The following HS6ST3 variants were observed in gnomAD, a reference collection of about 807,000 sequenced individuals.
HS6ST3 encodes heparan sulfate 6-O-sulfotransferase 3.
A neutral mutation model predicts 36.7 loss-of-function variants in HS6ST3; 12 were observed. The ratio of observed to expected loss-of-function variants is 0.33; its 90% CI spans 0.21 to 0.53. HS6ST3 has a LOEUF of 0.53. Ranked by LOEUF, HS6ST3 falls within the 20% of genes least tolerant of loss-of-function variation. HS6ST3 has a pLI of 0.95. For missense variants in HS6ST3, 584 were observed against 640.9 expected (o/e 0.91, Z 0.96); for synonymous variants, 240 against 257.5 (o/e 0.93, Z 0.65).
chr13:96,105,364 T>C (rs1356129653), intron 1 of HS6ST3, among the ~76,000 whole-genome samples: 1 of 152,116 alleles, frequency 6.6e-6, no homozygotes, highest in Non-Finnish European at 1.5e-5. Context: ...TTAAGTAATA[T>C]TATAGGCCAG....
chr13:96,763,635 G>T (rs188143047), intron 1 of HS6ST3, among the ~76,000 whole-genome samples: 1 of 152,040 alleles, frequency 6.6e-6, no homozygotes, highest in African/African-American at 2.4e-5. Flanking sequence ...TCAAATCCTG[G>T]CTTCACTATT....
intron 1 of HS6ST3, among the ~76,000 whole-genome samples, chr13:96,219,010 C>T (rs1045207881): frequency 7.2e-5 from 11 of 152,084 alleles, no homozygotes; most frequent in South Asian, 2.1e-4. Context: ...CTGACAGGGC[C>T]GCATCTTTTC....
At chr13:96,147,420 G>T (rs1188282724) in intron 1 of HS6ST3, among the ~76,000 whole-genome samples, 1 of 152,192 alleles carries the variant, frequency 6.6e-6, no homozygotes, top group East Asian at 1.9e-4. Context: ...CCATCATTCT[G>T]CAGCAGGTCC....
intron 1 of HS6ST3, among the ~76,000 whole-genome samples, chr13:96,635,197 AAC>A (rs1469257420): frequency 6.6e-6 from 1 of 152,168 alleles, no homozygotes; most frequent in African/African-American, 2.4e-5. Flanking sequence ...AACTATTAAA[AAC>A]ACAGATATGA....
chr13:96,165,255 A>G (rs1283611437), intron 1 of HS6ST3, among the ~76,000 whole-genome samples: 4 of 152,160 alleles, frequency 2.6e-5, no homozygotes, highest in Non-Finnish European at 4.4e-5. Context: ...GGAGGCCTCA[A>G]TTGACTCCTT....
chr13:96,624,584 C>A (rs919762683), intron 1 of HS6ST3, among the ~76,000 whole-genome samples: 4 of 152,116 alleles, frequency 2.6e-5, no homozygotes, highest in Non-Finnish European at 5.9e-5. Context: ...AGTTTTGCAG[C>A]CCTGGCTCCC....
At chr13:96,569,127 T>G (rs953091296) in intron 1 of HS6ST3, among the ~76,000 whole-genome samples, 7 of 152,220 alleles carry the variant, frequency 4.6e-5, no homozygotes, top group Admixed American at 6.5e-5. Context: ...TGAATGCATT[T>G]TACTTTATTC....
chr13:96,254,708 T>C (rs1031564934), intron 1 of HS6ST3, among the ~76,000 whole-genome samples: 51 of 151,818 alleles, frequency 3.4e-4, no homozygotes, highest in African/African-American at 1.2e-3. Flanking sequence ...GGTATGAAGA[T>C]ATGGAAAACT....
intron 1 of HS6ST3, among the ~76,000 whole-genome samples, chr13:96,600,843 C>A (rs2056418860): frequency 6.6e-6 from 1 of 151,998 alleles, no homozygotes; most frequent in South Asian, 2.1e-4. Flanking sequence ...TTTAGCATTT[C>A]TTATCAGGCT....
chr13:96,494,479 A>C (rs970915702), intron 1 of HS6ST3, among the ~76,000 whole-genome samples: 1 of 151,738 alleles, frequency 6.6e-6, no homozygotes, highest in Non-Finnish European at 1.5e-5. Flanking sequence ...CCAACATGGC[A>C]CATGTATACA....
At chr13:96,806,343 G>A (rs961488693) in intron 1 of HS6ST3, among the ~76,000 whole-genome samples, 3 of 152,262 alleles carry the variant, frequency 2.0e-5, no homozygotes, top group Admixed American at 1.3e-4. Context: ...AAGGGACAAC[G>A]GACCCAGCCC....
At chr13:96,593,792 C>G (rs982981562) in intron 1 of HS6ST3, among the ~76,000 whole-genome samples, 1 of 151,716 alleles carries the variant, frequency 6.6e-6, no homozygotes, top group African/African-American at 2.4e-5. Flanking sequence ...AATTCTTTGT[C>G]TCTTTTTGCA....
At chr13:96,685,644 C>T (rs1246321653) in intron 1 of HS6ST3, among the ~76,000 whole-genome samples, 4 of 152,112 alleles carry the variant, frequency 2.6e-5, no homozygotes, top group Non-Finnish European at 4.4e-5. Context: ...GTCCACCCGT[C>T]GGAGAGCATA....
At chr13:96,496,458 G>A (rs1178346994) in intron 1 of HS6ST3, among the ~76,000 whole-genome samples, 1 of 152,114 alleles carries the variant, frequency 6.6e-6, no homozygotes, top group Admixed American at 6.5e-5. Flanking sequence ...TGTGGCAAAA[G>A]TGACATTCTA....
intron 1 of HS6ST3, among the ~76,000 whole-genome samples, chr13:96,791,901 A>T (rs978623607): frequency 6.6e-6 from 1 of 152,014 alleles, no homozygotes; most frequent in Non-Finnish European, 1.5e-5. Context: ...TATGGTTATT[A>T]TTTACTGGTG....
intron 1 of HS6ST3, among the ~76,000 whole-genome samples, chr13:96,500,601 T>G (rs576248430): frequency 1.3e-5 from 2 of 152,148 alleles, no homozygotes; most frequent in African/African-American, 4.8e-5. Context: ...TTTGACCTAC[T>G]AGAAGCCCTA....
chr13:96,112,088 A>C (rs1441663004), intron 1 of HS6ST3, among the ~76,000 whole-genome samples: 1 of 152,188 alleles, frequency 6.6e-6, no homozygotes, highest in Non-Finnish European at 1.5e-5. Context: ...CTGGATGCAT[A>C]GCTCGAAGTA....
intron 1 of HS6ST3, among the ~76,000 whole-genome samples, chr13:96,142,330 G>A (rs2054035984): frequency 6.6e-6 from 1 of 151,972 alleles, no homozygotes; most frequent in Non-Finnish European, 1.5e-5. Context: ...ATTTTTAGTG[G>A]CATTGTCCTT....
chr13:96,596,516 T>C (rs1330222787), intron 1 of HS6ST3, among the ~76,000 whole-genome samples: 3 of 152,204 alleles, frequency 2.0e-5, no homozygotes, highest in African/African-American at 4.8e-5. Context: ...TATCTATTTT[T>C]AGTTCCTTGA....
Sources: allele counts gnomAD v4.1 joint callset (sites outside exome capture counted in the v4.1 genomes callset), GRCh38; gene constraint gnomAD v4.1.1; transcripts MANE v1.5; gene names NCBI Gene and HGNC (gene_info 2026-07-23, HGNC 2026-07-21).